The following PIWIL2 variants were observed in gnomAD, a reference collection of about 807,000 sequenced individuals.
PIWIL2 encodes the protein piwi like RNA-mediated gene silencing 2, also known as piwi-like protein 2.
A neutral mutation model predicts 116.5 loss-of-function variants in PIWIL2; 81 were observed. That is an observed-to-expected ratio of 0.70 (90% CI 0.58 to 0.84). The LOEUF is 0.84. Among genes scored for constraint, PIWIL2 ranks in the 40% least tolerant of loss-of-function variants. The probability of loss-of-function intolerance (pLI) is 0.00; values close to 1 mark genes in which losing one functional copy is unlikely to be tolerated. For synonymous variants in PIWIL2, 489 were observed against 429.5 expected, an observed-to-expected ratio of 1.14 and a Z score of -1.71; for missense variants, 1,272 against 1,212.3, an observed-to-expected ratio of 1.05 and a Z score of -0.73.
chr8:22,293,886 T>C (rs1380036646), intron 10 of PIWIL2, among the ~76,000 whole-genome samples: 1 of 152,232 alleles, frequency 6.6e-6, no homozygotes, highest in Non-Finnish European at 1.5e-5. Context: ...AGAATTTTCA[T>C]GGTGAATGTC....
In PIWIL2 at chr8:22,290,332, TG is replaced by T; in HGVS notation, c.1168del (p.Val390CysfsTer83). 6.3e-7 allele frequency: 1 copy of T among 1,597,462 alleles called. No individual in the cohort carries two copies. Among genetic ancestry groups the T allele is most frequent in the Non-Finnish European group, 8.6e-7 (1 of 1,165,344 alleles). Reference sequence around the variant, plus strand: ...CCCATAAGGTCATTCGGAATGACTGTGTGCTGGATGTCATGTGAGTGAATGG... The same window carrying T: ...CCCATAAGGTCATTCGGAATGACTGTTGCTGGATGTCATGTGAGTGAATGG... ...VSHKVIRNDC[V>X]LDVMHAIYQQ... is the part of the protein sequence containing the mutation. On this transcript the variant is annotated frameshift_variant, in exon 10 of 23. Transcript: ENST00000356766. LOFTEE classifies it high-confidence loss of function.
rs559781731 is a variant in PIWIL2 at position 22,341,996 on chromosome 8, G to A, written c.2404-10963G>A. Among the ~76,000 whole-genome samples the A allele has an allele frequency of 5.6e-4, 78 of 140,440 alleles. 1 individual carries two copies. Among genetic ancestry groups the A allele is most frequent in the African/African-American group, 1.8e-3 (66 of 35,830 alleles). 92.1% of individuals were successfully genotyped at this position (140,440 alleles called of 152,430 possible). On this transcript the variant is annotated intron_variant, in intron 20 of 22. Coordinates refer to ENST00000356766, the MANE Select transcript of PIWIL2 (RefSeq NM_018068.5). ...TTGCTGTAAAAAAAAAAAAAAAAAAGGTGAATTTTGTTCCTGTGTACCAGC... is the reference window on the plus strand; with the variant it reads ...TTGCTGTAAAAAAAAAAAAAAAAAAAGTGAATTTTGTTCCTGTGTACCAGC...
chr8:22,295,804 G>A (rs1189866951), intron 10 of PIWIL2, among the ~76,000 whole-genome samples: 2 of 152,152 alleles, frequency 1.3e-5, no homozygotes, highest in African/African-American at 4.8e-5. Flanking sequence ...ACCCAGGAAT[G>A]GTTTGCATAC....
At chr8:22,324,371 G>A (rs1232223286) in intron 20 of PIWIL2, among the ~76,000 whole-genome samples, 1 of 151,502 alleles carries the variant, frequency 6.6e-6, no homozygotes, top group Admixed American at 6.6e-5. Context: ...TTCCACTTTT[G>A]AAAGGGACAT....
chr8:22,326,529 A>G (rs909236074), intron 20 of PIWIL2, among the ~76,000 whole-genome samples: 2 of 152,180 alleles, frequency 1.3e-5, no homozygotes, highest in Non-Finnish European at 1.5e-5. Flanking sequence ...ATTTCTGGTA[A>G]CATCTAATTT....
intron 20 of PIWIL2, among the ~76,000 whole-genome samples, chr8:22,343,326 C>T (rs1038275985): frequency 3.9e-5 from 6 of 152,040 alleles, no homozygotes; most frequent in African/African-American, 7.2e-5. Flanking sequence ...CGCAGCTACT[C>T]GGGAAGGCTG....
chr8:22,290,299 T>G lies in PIWIL2; in HGVS notation c.1134T>G (p.Ala378=), dbSNP rs1357102671. 4 of 1,612,410 alleles carry G rather than the reference T, an allele frequency of 2.5e-6. No individual in the cohort carries two copies. Among genetic ancestry groups the G allele is most frequent in the Admixed American group, 1.7e-5 (1 of 59,980 alleles). The change falls in exon 10 of 23, where the codon GCT becomes GCG. Residue 378 remains alanine, a synonymous_variant. Transcript: ENST00000356766. ...RRTDGGLFLL[A]DVSHKVIRND... is the part of the protein sequence containing the mutation. ...CAGATGGAGGGCTCTTCCTGCTAGC[T>G]GATGTCTCCCATAAGGTCATTCGGA...
chr8:22,348,694 C>T (rs1253316212), intron 20 of PIWIL2, among the ~76,000 whole-genome samples: 5 of 152,168 alleles, frequency 3.3e-5, no homozygotes, highest in African/African-American at 9.7e-5. Context: ...GAGGCTGAGG[C>T]AGGAGGATCG....
At chr8:22,328,092 C>A (rs1034027498) in intron 20 of PIWIL2, among the ~76,000 whole-genome samples, 5 of 151,868 alleles carry the variant, frequency 3.3e-5, no homozygotes, top group African/African-American at 1.2e-4. Context: ...TTAACTCTTA[C>A]ATATAAGTCA....
Position 22,353,170 on chromosome 8 carries a change from C to T in PIWIL2, c.2615C>T (p.Thr872Ile), listed in dbSNP as rs778395842. ...LAAPQNFVTP[T>I]PGTVVDHTIT... is the part of the protein sequence containing the mutation. Reference sequence around the variant, plus strand: ...GCTCCTCAGAACTTTGTAACTCCCACTCCTGGAACTGTGGTAGATCATACA... The same window carrying T: ...GCTCCTCAGAACTTTGTAACTCCCATTCCTGGAACTGTGGTAGATCATACA... The change falls in exon 21 of 23, where the codon ACT becomes ATT. Residue 872 changes from threonine to isoleucine, a missense_variant. Transcript: ENST00000356766. 12 of 1,613,866 alleles carry T rather than the reference C, an allele frequency of 7.4e-6. No homozygotes were observed. Among genetic ancestry groups the T allele is most frequent in the East Asian group, 2.2e-5 (1 of 44,892 alleles).
intron 20 of PIWIL2, among the ~76,000 whole-genome samples, chr8:22,350,138 C>T (rs1832321976): frequency 6.6e-6 from 1 of 152,170 alleles, no homozygotes; most frequent in Admixed American, 6.5e-5. Flanking sequence ...ATTATCTACC[C>T]ACAAATGTCA....
chr8:22,316,059 A>G (rs1015317489), intron 18 of PIWIL2, among the ~76,000 whole-genome samples, 186 bp from the exon 19 acceptor site: 61 of 152,216 alleles, frequency 4.0e-4, no homozygotes, highest in African/African-American at 1.3e-3. Context: ...CCTGATCTAG[A>G]TCTTAACTGT....
At chr8:22,291,597 A>C (rs1830769434) in intron 10 of PIWIL2, among the ~76,000 whole-genome samples, 1 of 152,196 alleles carries the variant, frequency 6.6e-6, no homozygotes, top group Admixed American at 6.6e-5. Flanking sequence ...TATCTAATAT[A>C]ATATGATAGT....
chr8:22,297,788 G>C (rs747347860), intron 10 of PIWIL2, among the ~76,000 whole-genome samples: 1 of 152,136 alleles, frequency 6.6e-6, no homozygotes, highest in Non-Finnish European at 1.5e-5. Flanking sequence ...TTTACAGTTG[G>C]GTTGCTGGTC....
chr8:22,302,066 GCTTT>G (rs1208659840), intron 10 of PIWIL2, among the ~76,000 whole-genome samples: 6 of 151,880 alleles, frequency 4.0e-5, no homozygotes, highest in Admixed American at 3.9e-4. Flanking sequence ...TTTCTCTTGT[GCTTT>G]CTTCTTTGAT....
chr8:22,284,740 C>T (rs909738410), intron 6 of PIWIL2, among the ~76,000 whole-genome samples: 1 of 149,984 alleles, frequency 6.7e-6, no homozygotes, highest in Non-Finnish European at 1.5e-5. Flanking sequence ...TAGTGACAGT[C>T]TAGGGTTAAA....
intron 20 of PIWIL2, among the ~76,000 whole-genome samples, chr8:22,346,428 G>A (rs575643044): frequency 2.0e-5 from 3 of 152,256 alleles, no homozygotes; most frequent in East Asian, 3.9e-4. Flanking sequence ...CTCTGATGCT[G>A]GGATGCATCT....
intron 20 of PIWIL2, among the ~76,000 whole-genome samples, chr8:22,341,732 TATAAAG>T (rs1832115271): frequency 6.6e-6 from 1 of 152,146 alleles, no homozygotes; most frequent in Non-Finnish European, 1.5e-5. Flanking sequence ...AGATAGATGC[TATAAAG>T]ATACTCTTTA....
At chr8:22,296,020 C>CTTTTTTTTTTTTT (rs67357452) in intron 10 of PIWIL2, among the ~76,000 whole-genome samples, 14 of 102,830 alleles carry the variant, frequency 1.4e-4, no homozygotes, top group Admixed American at 2.0e-4. Flanking sequence ...CTCTTCCCTT[C>CTTTTTTTTTTTTT]TTTTTTTTTT....
Sources: allele counts gnomAD v4.1 joint callset (sites outside exome capture counted in the v4.1 genomes callset), GRCh38; gene constraint gnomAD v4.1.1; transcripts MANE v1.5; gene names NCBI Gene and HGNC (gene_info 2026-07-23, HGNC 2026-07-21).